Variants in APOL3 observed in about 807,000 individuals in gnomAD.
APOL3 encodes the protein apolipoprotein L3.
APOL3 carries 14 observed loss-of-function variants against 11.6 expected under a neutral mutation model. That is an observed-to-expected ratio of 1.21 (90% CI 0.80 to 1.89). APOL3 has a LOEUF of 1.89. APOL3 is among the 40% of genes most tolerant of loss of function. APOL3 has a pLI of 0.00. For synonymous variants in APOL3, 192 were observed against 190.6 expected (o/e 1.01, Z -0.06); for missense variants, 483 against 492.1 (o/e 0.98, Z 0.17).
intron 1 of APOL3, among the ~76,000 whole-genome samples, chr22:36,158,418 G>C (rs2013249915): frequency 6.6e-6 from 1 of 152,182 alleles, no homozygotes; most frequent in Non-Finnish European, 1.5e-5. Flanking sequence ...TGCAGGGACA[G>C]GGGCTTTAGA....
rs552144811 is a variant in APOL3, at chr22:36,141,126, C to G, written c.*74G>C. The stretch of plus-strand genomic sequence containing the variant: ...AAACTTTACCTTGCCCTCTTTATCC[C>G]CCTAATAAAATGCCTGCATTTTGTC... On this transcript the variant is annotated 3_prime_UTR_variant, in exon 3 of 3. Transcript: ENST00000349314. The G allele has an allele frequency of 3.9e-6, 6 of 1,544,352 alleles. No individual in the cohort carries two copies. The African/African-American group carries it at 5.5e-5, about 14-fold the overall frequency.
chr22:36,144,538 TC>T (rs1480651300), intron 2 of APOL3, among the ~76,000 whole-genome samples: 2 of 152,122 alleles, frequency 1.3e-5, no homozygotes, highest in Non-Finnish European at 2.9e-5. Flanking sequence ...CCCAGCTCTG[TC>T]CAACTCCATT....
exon 1 of APOL3, chr22:36,160,807 A>G: frequency 6.2e-7 from 1 of 1,614,164 alleles, no homozygotes; most frequent in Non-Finnish European, 8.5e-7. Context: ...CCAAAAGGGA[A>G]AGTGAAAGTC....
At chr22:36,146,494 C>G (rs2060225607) in intron 1 of APOL3, 1 of 151,930 alleles carries the variant, frequency 6.6e-6, no homozygotes, top group Admixed American at 6.6e-5. Flanking sequence ...TTGAAAATAT[C>G]AGAGTGTATT....
chr22:36,160,245 G>A (rs1014065986), intron 1 of APOL3, among the ~76,000 whole-genome samples: 2 of 152,122 alleles, frequency 1.3e-5, no homozygotes, highest in Non-Finnish European at 1.5e-5. Flanking sequence ...AGCACCCTGG[G>A]GCCAGCCTCA....
intron 2 of APOL3, among the ~76,000 whole-genome samples, chr22:36,144,448 T>C (rs1490660977): frequency 2.0e-5 from 3 of 152,164 alleles, no homozygotes; most frequent in Non-Finnish European, 4.4e-5. Flanking sequence ...ACTATTAGCA[T>C]TGGAGAGATG....
chr22:36,146,527 CT>C (rs1321843295), intron 1 of APOL3: 1 of 151,484 alleles, frequency 6.6e-6, no homozygotes, highest in Non-Finnish European at 1.5e-5. Flanking sequence ...AGTGAGTATT[CT>C]TTTGTAAGAT....
chr22:36,146,009 T>TCA (rs71193208), intron 1 of APOL3: 26,091 of 119,620 alleles, frequency 0.22, 2,828 homozygotes, highest in African/African-American at 0.3. Flanking sequence ...TCTCACACAC[T>TCA]CACACACACA....
chr22:36,165,914 G>C (rs546378478), upstream of APOL3: 1 of 152,336 alleles, frequency 6.6e-6, no homozygotes, highest in South Asian at 2.1e-4. Context: ...TAAGAAAAGA[G>C]AGTAGAAAGG....
At chr22:36,151,587 A>G (rs2060433764) in intron 1 of APOL3, among the ~76,000 whole-genome samples, 1 of 152,210 alleles carries the variant, frequency 6.6e-6, no homozygotes, top group African/African-American at 2.4e-5. Context: ...AGGATGACAG[A>G]AAAAGAAAAA....
chr22:36,141,906 T>G (rs757404365), exon 3 of APOL3: 1 of 1,614,224 alleles, frequency 6.2e-7, no homozygotes, highest in Non-Finnish European at 8.5e-7. Flanking sequence ...ACGAAGCTTT[T>G]CTATGGACTC....
upstream of APOL3, chr22:36,165,283 T>A (rs994946299): frequency 1.4e-5 from 2 of 143,580 alleles, no homozygotes; most frequent in African/African-American, 5.9e-5. Context: ...ACCAGGTCAA[T>A]ACCCTTTCAG....
chr22:36,153,599 C>A (rs2012199733), intron 1 of APOL3, among the ~76,000 whole-genome samples: 1 of 152,190 alleles, frequency 6.6e-6, no homozygotes, highest in African/African-American at 2.4e-5. Flanking sequence ...ACCAAATTCC[C>A]CAGACTGTGA....
At chr22:36,158,967 G>A (rs1056174813) in intron 1 of APOL3, among the ~76,000 whole-genome samples, 1 of 16,970 alleles carries the variant, frequency 5.9e-5, no homozygotes, top group Non-Finnish European at 1.4e-4. Flanking sequence ...GTGAGTGTGC[G>A]TGTGTGTGTG....
exon 3 of APOL3, chr22:36,141,367 A>G: frequency 6.2e-7 from 1 of 1,614,202 alleles, no homozygotes. Flanking sequence ...AGTGCAAGGA[A>G]GATGCCTGAA....
chr22:36,160,962 C>T, upstream of APOL3: 1 of 1,372,422 alleles, frequency 7.3e-7, no homozygotes, highest in Non-Finnish European at 9.9e-7. Flanking sequence ...TCCTTCTTGG[C>T]CAACCCACCT....
intron 2 of APOL3, 62 bp downstream of exon 3, chr22:36,145,411 C>T: frequency 6.3e-7 from 1 of 1,590,926 alleles, no homozygotes; most frequent in Non-Finnish European, 8.6e-7. Context: ...AGAAAACTAG[C>T]CCAGGGGAGA....
At chr22:36,165,958 T>C (rs2013849048) in exon 1 of APOL3, 1 of 152,168 alleles carries the variant, frequency 6.6e-6, no homozygotes, top group African/African-American at 2.4e-5. Flanking sequence ...CCACCTAAGT[T>C]TAGCCCCAGA....
At chr22:36,162,590 T>G (rs1446048306), upstream of APOL3, among the ~76,000 whole-genome samples, 1 of 152,114 alleles carries the variant, frequency 6.6e-6, no homozygotes, top group East Asian at 1.9e-4. Flanking sequence ...TTAAACTCTA[T>G]ATAGAGGGGC....
Sources: allele counts gnomAD v4.1 joint callset (sites outside exome capture counted in the v4.1 genomes callset), GRCh38; gene constraint gnomAD v4.1.1; transcripts MANE v1.5; gene names NCBI Gene and HGNC (gene_info 2026-07-23, HGNC 2026-07-21).